Variants in TNIK observed in about 807,000 individuals in gnomAD.
TNIK encodes the protein TRAF2 and NCK interacting kinase.
In TNIK, 49 loss-of-function variants were observed where a neutral mutation model predicts 191.3. The observed-to-expected ratio is 0.26, with a 90% CI of 0.20 to 0.32. The LOEUF is 0.32. Ranked by LOEUF, TNIK falls within the 10% of genes least tolerant of loss-of-function variation. TNIK has a pLI of 1.00. For synonymous variants in TNIK, 594 were observed against 600.9 expected (o/e 0.99, Z 0.17); for missense variants, 1,155 against 1,702.3 (o/e 0.68, Z 5.66).
intron 2 of TNIK, among the ~76,000 whole-genome samples, chr3:171,278,416 G>A (rs547059971): frequency 6.6e-6 from 1 of 152,206 alleles, no homozygotes; most frequent in African/African-American, 2.4e-5. Context: ...TAAGTATTCA[G>A]CATTCTAGGC....
intron 18 of TNIK, among the ~76,000 whole-genome samples, chr3:171,113,839 C>T (rs1366057976): frequency 6.6e-6 from 1 of 151,744 alleles, no homozygotes; most frequent in African/African-American, 2.4e-5. Flanking sequence ...TATACACAGC[C>T]CATTTCAACA....
chr3:171,256,394 G>C (rs1746875660), intron 2 of TNIK, among the ~76,000 whole-genome samples: 1 of 152,198 alleles, frequency 6.6e-6, no homozygotes, highest in Non-Finnish European at 1.5e-5. Context: ...GGGAGGCAGA[G>C]CATTTTGCTG....
intron 1 of TNIK, among the ~76,000 whole-genome samples, chr3:171,441,140 C>T (rs1372972171): frequency 1.3e-5 from 2 of 152,084 alleles, no homozygotes; most frequent in African/African-American, 4.8e-5. Flanking sequence ...AGGAAATTTG[C>T]CTTCACGGTG....
chr3:171,171,704 G>A (rs373750969), intron 9 of TNIK, among the ~76,000 whole-genome samples: 3 of 152,150 alleles, frequency 2.0e-5, no homozygotes, highest in East Asian at 1.9e-4. Flanking sequence ...GTATACTTGC[G>A]AGGGCAGGTG....
At chr3:171,361,929 T>C (rs1230233050) in intron 2 of TNIK, among the ~76,000 whole-genome samples, 3 of 152,184 alleles carry the variant, frequency 2.0e-5, no homozygotes, top group African/African-American at 7.2e-5. Flanking sequence ...AATAGATCTA[T>C]GGCAAGCTCA....
intron 28 of TNIK, among the ~76,000 whole-genome samples, chr3:171,076,863 G>T (rs1720026721): frequency 6.6e-6 from 1 of 150,760 alleles, no homozygotes; most frequent in South Asian, 2.1e-4. Flanking sequence ...TACTGACTTT[G>T]TAGTATGGAA....
intron 3 of TNIK, among the ~76,000 whole-genome samples, chr3:171,220,559 T>A (rs1742173918): frequency 6.6e-6 from 1 of 152,034 alleles, no homozygotes; most frequent in Non-Finnish European, 1.5e-5. Context: ...GTTGGCAGCA[T>A]AAAGGAAAGG....
intron 1 of TNIK, among the ~76,000 whole-genome samples, chr3:171,425,986 C>A (rs370090193): frequency 4.9e-4 from 74 of 152,202 alleles, no homozygotes; most frequent in African/African-American, 1.7e-3. Flanking sequence ...CCATTGTGGA[C>A]GTCAGTGTGG....
At chr3:171,356,036 C>T (rs1309728236) in intron 2 of TNIK, among the ~76,000 whole-genome samples, 1 of 152,102 alleles carries the variant, frequency 6.6e-6, no homozygotes, top group Non-Finnish European at 1.5e-5. Flanking sequence ...AATTATACAC[C>T]TGGCAAATAT....
At chr3:171,349,440 C>G (rs1338850582) in intron 2 of TNIK, among the ~76,000 whole-genome samples, 1 of 152,090 alleles carries the variant, frequency 6.6e-6, no homozygotes, top group Non-Finnish European at 1.5e-5. Context: ...AAGACATTCA[C>G]AGAAAAATGA....
intron 14 of TNIK, 72 bp from the exon 15 acceptor site, chr3:171,138,451 T>G: frequency 1.4e-6 from 2 of 1,390,202 alleles, no homozygotes; most frequent in East Asian, 5.2e-5. Context: ...CAGTACCAGA[T>G]AAGCATGCAA....
chr3:171,253,554 C>T (rs1746488519), intron 2 of TNIK, among the ~76,000 whole-genome samples: 1 of 151,518 alleles, frequency 6.6e-6, no homozygotes, highest in South Asian at 2.1e-4. Flanking sequence ...CATAGATCTG[C>T]CTGAAAAAAA....
rs540975263 is a variant in TNIK at position 171,351,411 on chromosome 3, T to C, written c.123+18209A>G. Reference sequence around the variant, plus strand: ...TGAAAGAAGGTCATCTTAGATCTTCTATATAATTAATCAAAAGAACTATTC... The same window carrying C: ...TGAAAGAAGGTCATCTTAGATCTTCCATATAATTAATCAAAAGAACTATTC... On this transcript the variant is annotated intron_variant, in intron 2 of 32. Coordinates refer to ENST00000436636, the MANE Select transcript of TNIK (RefSeq NM_015028.4). Among the ~76,000 whole-genome samples the C allele has an allele frequency of 7.9e-5, 12 of 152,282 alleles. No homozygotes were observed. The East Asian group carries it at 1.9e-3, about 24-fold the overall frequency.
At position 171,368,765 on chromosome 3, in the gene TNIK, C is replaced by T. The variant is rs117435826; in HGVS notation, c.123+855G>A. Reference sequence around the variant, plus strand: ...AGGAGGAATTTTTAAAAATAGAACACGAGATAATTTGTAATGGAAATGCCA... The same window carrying T: ...AGGAGGAATTTTTAAAAATAGAACATGAGATAATTTGTAATGGAAATGCCA... On this transcript the variant is annotated intron_variant, in intron 2 of 32. Transcript: ENST00000436636. 8.6e-5 allele frequency among the ~76,000 whole-genome samples: 13 copies of T among 151,984 alleles called. No homozygotes were observed. The East Asian group carries it at 2.3e-3, about 27-fold the overall frequency.
At chr3:171,334,367 A>T (rs1435913705) in intron 2 of TNIK, among the ~76,000 whole-genome samples, 1 of 152,166 alleles carries the variant, frequency 6.6e-6, no homozygotes, top group East Asian at 1.9e-4. Context: ...GTGGAACAGA[A>T]TGTTGGAAAA....
chr3:171,334,181 G>C (rs1403669198), intron 2 of TNIK, among the ~76,000 whole-genome samples: 1 of 152,198 alleles, frequency 6.6e-6, no homozygotes, highest in Non-Finnish European at 1.5e-5. Context: ...TGGAAAGAAG[G>C]GTTTTAAGAA....
At chr3:171,156,822 CAT>C (rs1733245738) in intron 12 of TNIK, among the ~76,000 whole-genome samples, 2 of 152,214 alleles carry the variant, frequency 1.3e-5, no homozygotes, top group African/African-American at 4.8e-5. Context: ...ATCTGTGAAA[CAT>C]TCTTCCTAGC....
chr3:171,413,385 C>T lies in TNIK; in HGVS notation c.58-43700G>A, dbSNP rs113822401. ...TTCTAATGCTATCACACACACATAT[C>T]CCACCCCATGCCTCATCAGGAACTC... is the stretch of plus-strand genomic sequence containing the variant. On this transcript the variant is annotated intron_variant, in intron 1 of 32. Coordinates refer to ENST00000436636, the MANE Select transcript of TNIK (RefSeq NM_015028.4). 4.1e-3 allele frequency among the ~76,000 whole-genome samples: 629 copies of T among 152,236 alleles called. 7 individuals carry two copies. Among genetic ancestry groups the T allele is most frequent in the African/African-American group, 0.015 (607 of 41,542 alleles).
chr3:171,187,492 C>T (rs574941283), intron 7 of TNIK, among the ~76,000 whole-genome samples: 40 of 152,190 alleles, frequency 2.6e-4, no homozygotes, highest in Non-Finnish European at 4.9e-4. Flanking sequence ...GCCTCAAAAA[C>T]GCTGCAATGT....
Sources: gnomAD v4.1 joint callset for allele counts (sites outside exome capture counted in the v4.1 genomes callset) on GRCh38, gnomAD v4.1.1 for gene constraint, MANE v1.5 for transcripts, NCBI Gene and HGNC (gene_info 2026-07-23, HGNC 2026-07-21) for gene names.